Variants in RPS6KA1 observed in about 807,000 individuals in gnomAD.
RPS6KA1 encodes ribosomal protein S6 kinase alpha-1.
RPS6KA1 carries 48 observed loss-of-function variants against 91.3 expected under a neutral mutation model. The ratio of observed to expected loss-of-function variants is 0.53; its 90% confidence interval spans 0.42 to 0.67. The LOEUF is 0.67. Ranked by LOEUF, RPS6KA1 falls within the 30% of genes least tolerant of loss-of-function variation. The pLI is 0.00. For synonymous variants in RPS6KA1, 359 were observed against 384.7 expected (o/e 0.93, Z 0.78); for missense variants, 719 against 960.5 (o/e 0.75, Z 3.32).
In RPS6KA1 at chr1:26,547,292, TGCAGAACCCAG is replaced by T; in HGVS notation, c.307+25_307+35del. On this transcript the variant is annotated intron_variant, in intron 4 of 21. Transcript: ENST00000374168. The surrounding 1 kb of genome is among the most constrained non-coding windows in gnomAD (Gnocchi z 4.1). ...AAAGGTGAGTGGGGACACCTCCCTG[TGCAGAACCCAG>T]GCTTGGCTGAGGGAGGCAGCCCAGA... is the stretch of plus-strand genomic sequence containing the variant. 1 of 1,606,978 alleles carries T rather than the reference TGCAGAACCCAG, an allele frequency of 6.2e-7. No individual in the cohort carries two copies. Among genetic ancestry groups the T allele is most frequent in the Non-Finnish European group, 8.5e-7 (1 of 1,175,338 alleles).
chr1:26,565,473 C>G (rs1470660501), intron 17 of RPS6KA1, among the ~76,000 whole-genome samples: 1 of 152,106 alleles, frequency 6.6e-6, no homozygotes, highest in African/African-American at 2.4e-5. Context: ...TCCTGGAGCC[C>G]CCGCAACCTG....
intron 2 of RPS6KA1, chr1:26,546,082 A>C: frequency 6.3e-7 from 1 of 1,592,164 alleles, no homozygotes; most frequent in Non-Finnish European, 8.5e-7. Context: ...TGTCCCTTGC[A>C]GCAGGTGCCT....
chr1:26,551,330 G>T lies in RPS6KA1; in HGVS notation c.308-67G>T. The T allele has an allele frequency of 7.2e-7, 1 of 1,397,430 alleles. No individual in the cohort carries two copies. 86.6% of individuals were successfully genotyped at this position (1,397,430 alleles called of 1,614,324 possible). ...GAACAAGTGGAAAAGAGATCCCTTAGCGGGGGCTTGGGAGTGGCTGTGTTG... is the reference window on the plus strand; with the variant it reads ...GAACAAGTGGAAAAGAGATCCCTTATCGGGGGCTTGGGAGTGGCTGTGTTG... On this transcript the variant is annotated intron_variant, in intron 4 of 21. Transcript: ENST00000374168. This position sits in a 1 kb window ranked among gnomAD's most constrained non-coding sequence, Gnocchi z 4.5.
chr1:26,556,288 G>A, intron 11 of RPS6KA1: 1 of 307,086 alleles, frequency 3.3e-6, no homozygotes, highest in South Asian at 4.1e-5. Context: ...TGGTTGAAAA[G>A]GTCAATGGGA....
intron 2 of RPS6KA1, chr1:26,546,109 A>T (rs1228903878): frequency 4.0e-6 from 6 of 1,517,710 alleles, no homozygotes; most frequent in African/African-American, 1.4e-5. Context: ...CCAGCTTAAC[A>T]TAAGCTGGCT....
Position 26,546,554 on chromosome 1 carries a change from G to A in RPS6KA1, c.109-313G>A, listed in dbSNP as rs758462172. On this transcript the variant is annotated intron_variant, in intron 2 of 21. Coordinates refer to ENST00000374168, the MANE Select transcript of RPS6KA1 (RefSeq NM_002953.4). ...ACAGGGGGAGGGAAGCCCCACGGGC[G>A]GACCTGGGGCAGGTCTCTGGGTCTC... 2.6e-5 allele frequency among the ~76,000 whole-genome samples: 4 copies of A among 152,336 alleles called. 1 individual carries two copies. In the East Asian group the frequency reaches 7.7e-4, roughly 29 times the overall value.
intron 2 of RPS6KA1, among the ~76,000 whole-genome samples, chr1:26,537,926 C>T (rs72879009): frequency 0.042 from 6,393 of 152,252 alleles, 450 homozygotes; most frequent in African/African-American, 0.14. Context: ...GTGCCAGCAC[C>T]GAAAATGTCC....
intron 7 of RPS6KA1, 79 bp downstream of exon 7, chr1:26,553,576 G>A (rs867512176): frequency 3.5e-6 from 3 of 860,328 alleles, no homozygotes; most frequent in Admixed American, 2.2e-5. Context: ...AGGTGGGTGG[G>A]CATGGCTTTC....
chr1:26,554,068 A>T lies in RPS6KA1; in HGVS notation c.576-146A>T. On this transcript the variant is annotated intron_variant, in intron 7 of 21. Transcript: ENST00000374168. The surrounding 1 kb of genome is among the most constrained non-coding windows in gnomAD (Gnocchi z 4.6). Reference sequence around the variant, plus strand: ...GGCAACACCCCTGCGTGGTACTGCTACCACCCTGCAACACCCGCCCAGTCA... The same window carrying T: ...GGCAACACCCCTGCGTGGTACTGCTTCCACCCTGCAACACCCGCCCAGTCA... The T allele has an allele frequency of 1.3e-6, 1 of 762,602 alleles. No individual in the cohort carries two copies. Among genetic ancestry groups the T allele is most frequent in the Non-Finnish European group, 2.1e-6 (1 of 470,712 alleles). 47.2% of individuals were successfully genotyped at this position (762,602 alleles called of 1,614,324 possible).
chr1:26,537,641 A>T (rs1348293368), intron 2 of RPS6KA1, among the ~76,000 whole-genome samples: 2 of 152,122 alleles, frequency 1.3e-5, no homozygotes, highest in Admixed American at 1.3e-4. Flanking sequence ...TCATCTGTAT[A>T]TTGGAAAAGA....
intron 1 of RPS6KA1, among the ~76,000 whole-genome samples, chr1:26,532,896 C>T (rs908230927): frequency 2.0e-5 from 3 of 152,194 alleles, no homozygotes; most frequent in Non-Finnish European, 2.9e-5. Flanking sequence ...GGTCTTCAAC[C>T]TCTAAGAGGC....
chr1:26,529,871 C>A lies in RPS6KA1; in HGVS notation c.-50C>A. ...GCCAGGGACCCCAGGACCCGGGAGGCGGCGCAGCCGGGGCCGCCGGAGGAG... is the reference window on the plus strand; with the variant it reads ...GCCAGGGACCCCAGGACCCGGGAGGAGGCGCAGCCGGGGCCGCCGGAGGAG... On this transcript the variant is annotated 5_prime_UTR_variant, in exon 1 of 22. Coordinates refer to ENST00000374168, the MANE Select transcript of RPS6KA1 (RefSeq NM_002953.4). This position sits in a 1 kb window ranked among gnomAD's most constrained non-coding sequence, Gnocchi z 4.2. The A allele has an allele frequency of 7.3e-7, 1 of 1,374,324 alleles. No homozygotes were observed. The highest frequency in any genetic ancestry group is 9.5e-7 in the Non-Finnish European group (1 of 1,054,972). The allele number at this position is 1,374,324 out of a possible 1,614,324, so 85.1% of individuals were successfully genotyped here. A position where few individuals can be genotyped will look rare whatever the true frequency, so the allele number is the denominator to read the frequency against.
chr1:26,572,371 G>A, intron 20 of RPS6KA1, 78 bp downstream of exon 20: 1 of 911,564 alleles, frequency 1.1e-6, no homozygotes. Flanking sequence ...AGCAGTTCAT[G>A]AACAGCCTCA....
At chr1:26,573,015 C>G (rs1225975104) in intron 20 of RPS6KA1, among the ~76,000 whole-genome samples, 1 of 152,184 alleles carries the variant, frequency 6.6e-6, no homozygotes, top group Non-Finnish European at 1.5e-5. Context: ...GAAGGGTGTT[C>G]CAGGACGAAG....
rs2076104295 is a variant in RPS6KA1, at chr1:26,556,671, G to A, written c.934G>A (p.Ala312Thr). The A allele has an allele frequency of 1.2e-6, 2 of 1,614,230 alleles. No individual in the cohort carries two copies. Among genetic ancestry groups the A allele is most frequent in the Non-Finnish European group, 1.7e-6 (2 of 1,180,032 alleles). ...TCTTTCAGGCTCCGGCCCTGATGGG[G>A]CAGAGGAAATCAAGCGGCATGTCTT... The part of the protein sequence containing the change: ...ANRLGSGPDG[A>T]EEIKRHVFYS... The change falls in exon 12 of 22, where the codon GCA becomes ACA. Residue 312 changes from alanine to threonine, a missense_variant. By Grantham distance (58) the Ala-to-Thr change is moderately conservative. Transcript: ENST00000374168.
At chr1:26,565,068 T>C (rs1179521477) in intron 17 of RPS6KA1, among the ~76,000 whole-genome samples, 1 of 151,972 alleles carries the variant, frequency 6.6e-6, no homozygotes, top group African/African-American at 2.4e-5. Flanking sequence ...AACCACTTGG[T>C]GAGGATGTTG....
Position 26,571,076 on chromosome 1 carries a change from C to T in RPS6KA1, c.1591-373C>T, listed in dbSNP as rs1290621450. Among the ~76,000 whole-genome samples the T allele has an allele frequency of 6.6e-6, 1 of 151,982 alleles. No individual in the cohort carries two copies. Among genetic ancestry groups the T allele is most frequent in the Non-Finnish European group, 1.5e-5 (1 of 68,008 alleles). On this transcript the variant is annotated intron_variant, in intron 17 of 21. Coordinates refer to ENST00000374168, the MANE Select transcript of RPS6KA1 (RefSeq NM_002953.4). The surrounding 1 kb of genome is among the most constrained non-coding windows in gnomAD (Gnocchi z 5.1). The stretch of plus-strand genomic sequence containing the variant: ...GGCGGAGGCTGCAGTGATCTGAGGT[C>T]GTGCCACTGCACTCCAGCCTGGGTG...
chr1:26,573,975 T>C, intron 21 of RPS6KA1, 104 bp from the exon 22 acceptor site: 1 of 1,302,058 alleles, frequency 7.7e-7, no homozygotes, highest in Non-Finnish European at 1.0e-6. Context: ...CCAAAAAAAG[T>C]GGGCTGTGGA....
intron 15 of RPS6KA1, 69 bp downstream of exon 15, chr1:26,560,920 G>T: frequency 6.2e-7 from 1 of 1,610,298 alleles, no homozygotes. Flanking sequence ...GGTGGGGAGG[G>T]ATGGTGCCTG....
Sources: gnomAD v4.1 joint callset for allele counts (sites outside exome capture counted in the v4.1 genomes callset) on GRCh38, gnomAD v4.1.1 for gene constraint, Gnocchi (gnomAD v3.1) non-coding constraint, MANE v1.5 for transcripts, NCBI Gene and HGNC (gene_info 2026-07-23, HGNC 2026-07-21) for gene names.